CLASP1: variants seen among roughly 807,000 people sequenced by gnomAD.
CLASP1 encodes cytoplasmic linker associated protein 1, also known as CLIP-associating protein 1.
CLASP1 carries 38 observed loss-of-function variants against 192.3 expected under a neutral mutation model. That is an observed-to-expected ratio of 0.20 (90% CI 0.15 to 0.26). The LOEUF (loss-of-function observed/expected upper bound fraction) is 0.26. Among genes scored for constraint, CLASP1 ranks in the 10% least tolerant of loss-of-function variants. The pLI is 1.00. For missense variants in CLASP1, 1,433 were observed against 1,932.5 expected, an observed-to-expected ratio of 0.74 and a Z score of 4.85; for synonymous variants, 691 against 712.8, an observed-to-expected ratio of 0.97 and a Z score of 0.49.
Position 121,530,994 on chromosome 2 carries a change from C to CA in CLASP1, c.196-670dup, listed in dbSNP as rs752886035. 7.6e-5 allele frequency: 53 copies of CA among 700,076 alleles called. No individual in the cohort carries two copies. Among genetic ancestry groups the CA allele is most frequent in the African/African-American group, 1.8e-5 (1 of 57,128 alleles). The allele number at this position is 700,076 out of a possible 1,614,324, so 43.4% of individuals were successfully genotyped here. A position where few individuals can be genotyped will look rare whatever the true frequency, so the allele number is the denominator to read the frequency against. Reference sequence around the variant, plus strand: ...CTAGAGCTTTTGCTTTATTTTGGTGCAATTTTTGGAAAAATGAAAACCTGT... The same window carrying CA: ...CTAGAGCTTTTGCTTTATTTTGGTGCAAATTTTTGGAAAAATGAAAACCTGT... On this transcript the variant is annotated intron_variant, in intron 2 of 39. Transcript: ENST00000263710.
intron 20 of CLASP1, 73 bp downstream of exon 20, chr2:121,430,000 G>A: frequency 8.6e-7 from 1 of 1,161,548 alleles, no homozygotes; most frequent in African/African-American, 1.5e-5. Flanking sequence ...TATAGAGATT[G>A]TAAAATGTTC....
At chr2:121,427,471 A>T in intron 20 of CLASP1, 41 bp from the exon 21 acceptor site, 1 of 1,607,186 alleles carries the variant, frequency 6.2e-7, no homozygotes, top group South Asian at 1.1e-5. Context: ...CAAAAAGTGG[A>T]TTAAAAGACA....
intron 9 of CLASP1, among the ~76,000 whole-genome samples, chr2:121,464,510 G>A (rs1019467633): frequency 1.8e-4 from 28 of 152,102 alleles, no homozygotes; most frequent in Non-Finnish European, 3.1e-4. Context: ...AGCACCTGTC[G>A]TTTCCTGACT....
intron 1 of CLASP1, among the ~76,000 whole-genome samples, chr2:121,636,061 G>A (rs560390775): frequency 1.0e-3 from 152 of 152,108 alleles, no homozygotes; most frequent in African/African-American, 2.6e-3. Flanking sequence ...TTTTGAGGCC[G>A]GGCATGGTGG....
chr2:121,447,294 G>A lies in CLASP1; in HGVS notation c.1912+43C>T, dbSNP rs184507719. ...GCTAAGAGGTTAAGAGTCATCTCTT[G>A]CAGAGCAGTGCAGGAGGGAAAGGGT... On this transcript the variant is annotated intron_variant, in intron 19 of 39. Transcript: ENST00000263710. 89 of 1,529,926 alleles carry A rather than the reference G, an allele frequency of 5.8e-5. No individual in the cohort carries two copies. In the African/African-American group the frequency reaches 9.6e-4, roughly 16 times the overall value. The allele number at this position is 1,529,926 out of a possible 1,614,324, so 94.8% of individuals were successfully genotyped here.
chr2:121,517,749 C>T (rs2094340946), intron 6 of CLASP1, among the ~76,000 whole-genome samples: 1 of 149,622 alleles, frequency 6.7e-6, no homozygotes, highest in Non-Finnish European at 1.5e-5. Flanking sequence ...GTCCTACCTA[C>T]TTGGGGGGGC....
At position 121,420,061 on chromosome 2, in the gene CLASP1, T is replaced by C. The variant is rs139342779; in HGVS notation, c.2213-1332A>G. On this transcript the variant is annotated intron_variant, in intron 22 of 39. Coordinates refer to ENST00000263710, the Ensembl canonical transcript of CLASP1. ...AAGCCAACTTTCTATTGTGCTCAGCTGCTCAGTACTAGAGTGGAACTAGAC... is the reference window on the plus strand; with the variant it reads ...AAGCCAACTTTCTATTGTGCTCAGCCGCTCAGTACTAGAGTGGAACTAGAC... Among the ~76,000 whole-genome samples the C allele has an allele frequency of 8.3e-4, 127 of 152,150 alleles. 1 individual carries two copies. The highest frequency in any genetic ancestry group is 2.8e-3 in the African/African-American group (118 of 41,512).
In CLASP1 at chr2:121,462,991, A is replaced by G. The variant is rs184170713; in HGVS notation, c.866-386T>C. ...AAATTGTTATTACTGGGAATCCAGC[A>G]TAACAAATTTGTGAATATTCAAACA... is the stretch of plus-strand genomic sequence containing the variant. On this transcript the variant is annotated intron_variant, in intron 9 of 39. Coordinates refer to ENST00000263710, the Ensembl canonical transcript of CLASP1. 1.7e-3 allele frequency among the ~76,000 whole-genome samples: 260 copies of G among 152,304 alleles called. 2 individuals carry two copies. Among genetic ancestry groups the G allele is most frequent in the African/African-American group, 6.0e-3 (248 of 41,588 alleles).
intron 1 of CLASP1, among the ~76,000 whole-genome samples, chr2:121,635,406 T>C (rs1179962924): frequency 6.6e-6 from 1 of 152,088 alleles, no homozygotes; most frequent in East Asian, 1.9e-4. Flanking sequence ...AAAAAGACAA[T>C]AGATGAATAA....
At chr2:121,479,852 A>G (rs2092443706) in intron 8 of CLASP1, among the ~76,000 whole-genome samples, 1 of 152,220 alleles carries the variant, frequency 6.6e-6, no homozygotes, top group African/African-American at 2.4e-5. Context: ...TTGTCAGAAC[A>G]CAGGGAATAT....
chr2:121,383,679 G>A (rs1286488959), intron 32 of CLASP1, among the ~76,000 whole-genome samples: 3 of 151,906 alleles, frequency 2.0e-5, no homozygotes, highest in Non-Finnish European at 4.4e-5. Flanking sequence ...CCAGAGCAAG[G>A]ACCACCATAT....
intron 30 of CLASP1, among the ~76,000 whole-genome samples, chr2:121,395,429 A>C (rs1037235914): frequency 6.6e-6 from 1 of 152,234 alleles, no homozygotes; most frequent in South Asian, 2.1e-4. Context: ...CATTCAAAAC[A>C]TATCAATGCC....
At chr2:121,423,358 T>C (rs897226001) in intron 22 of CLASP1, among the ~76,000 whole-genome samples, 1 of 152,150 alleles carries the variant, frequency 6.6e-6, no homozygotes, top group Admixed American at 6.6e-5. Context: ...TATAAAATAT[T>C]GTCTTTTCAA....
chr2:121,643,881 T>C (rs2072617666), intron 1 of CLASP1, among the ~76,000 whole-genome samples: 1 of 152,162 alleles, frequency 6.6e-6, no homozygotes, highest in South Asian at 2.1e-4. Context: ...CTAAAGGCTG[T>C]TAAAACTGTG....
At chr2:121,423,535 AAAAC>A (rs1479255577) in intron 22 of CLASP1, among the ~76,000 whole-genome samples, 1 of 152,252 alleles carries the variant, frequency 6.6e-6, no homozygotes, top group African/African-American at 2.4e-5. Flanking sequence ...TTAAATGTAT[AAAAC>A]TAACATGGAT....
intron 34 of CLASP1, among the ~76,000 whole-genome samples, chr2:121,376,475 A>G (rs2070171078): frequency 8.4e-6 from 1 of 119,560 alleles, no homozygotes; most frequent in Non-Finnish European, 1.6e-5. Context: ...GTAAGAGTTG[A>G]GCTCATAGAA....
chr2:121,502,338 T>C (rs2093782133), intron 8 of CLASP1, among the ~76,000 whole-genome samples: 1 of 152,220 alleles, frequency 6.6e-6, no homozygotes, highest in Non-Finnish European at 1.5e-5. Flanking sequence ...CATATTTTTC[T>C]AGTGATACAT....
chr2:121,556,368 G>A (rs542511440), intron 2 of CLASP1, among the ~76,000 whole-genome samples: 4 of 152,086 alleles, frequency 2.6e-5, no homozygotes, highest in Non-Finnish European at 5.9e-5. Flanking sequence ...GCTTGGGTAA[G>A]AGCCAGTCTT....
intron 2 of CLASP1, among the ~76,000 whole-genome samples, chr2:121,587,038 CAAGACCAGCCTG>C (rs898989941): frequency 8.6e-5 from 13 of 152,014 alleles, no homozygotes; most frequent in Middle Eastern, 3.4e-3. Context: ...GTCAGTAGTT[CAAGACCAGCCTG>C]GCCAGCATGG....
Sources: allele counts gnomAD v4.1 joint callset (sites outside exome capture counted in the v4.1 genomes callset), GRCh38; gene constraint gnomAD v4.1.1; transcripts MANE v1.5; gene names NCBI Gene and HGNC (gene_info 2026-07-23, HGNC 2026-07-21).